The following THSD4 variants were observed in gnomAD, a reference collection of about 807,000 sequenced individuals.
THSD4 encodes the protein thrombospondin type-1 domain-containing protein 4.
A neutral mutation model predicts 119.0 loss-of-function variants in THSD4; 69 were observed. The observed-to-expected ratio is 0.58, with a 90% CI of 0.48 to 0.71. The LOEUF (loss-of-function observed/expected upper bound fraction) is 0.71. Among genes scored for constraint, THSD4 ranks in the 30% least tolerant of loss-of-function variants. The pLI is 0.00. For missense variants in THSD4, 1,393 were observed against 1,391.1 expected (o/e 1.00, Z -0.02); for synonymous variants, 524 against 540.4 (o/e 0.97, Z 0.42).
chr15:71,472,720 A>T (rs2047598670), intron 7 of THSD4, among the ~76,000 whole-genome samples: 1 of 152,166 alleles, frequency 6.6e-6, no homozygotes, highest in South Asian at 2.1e-4. Context: ...TGGAAATGGG[A>T]TCTTGATTTT....
At chr15:71,192,604 C>G (rs1171014184) in intron 3 of THSD4, among the ~76,000 whole-genome samples, 1 of 152,148 alleles carries the variant, frequency 6.6e-6, no homozygotes, top group African/African-American at 2.4e-5. Context: ...TGAAGTGAAC[C>G]TGTTCTCGAC....
Position 71,566,901 on chromosome 15 carries a change from A to AT in THSD4, c.1153-93618dup, listed in dbSNP as rs76547678. 8.3e-4 allele frequency among the ~76,000 whole-genome samples: 123 copies of AT among 148,718 alleles called. 1 individual carries two copies. Among genetic ancestry groups the AT allele is most frequent in the South Asian group, 7.1e-3 (33 of 4,678 alleles). Reference sequence around the variant, plus strand: ...AAACACATCAGCAGAGAGTACTGTCATTTTTTTTTTTCCCTAAACACTTAA... The same window carrying AT: ...AAACACATCAGCAGAGAGTACTGTCATTTTTTTTTTTTCCCTAAACACTTAA... On this transcript the variant is annotated intron_variant, in intron 7 of 17. Coordinates refer to ENST00000261862, the MANE Select transcript of THSD4 (RefSeq NM_024817.3).
At chr15:71,164,502 A>T in intron 3 of THSD4, among the ~76,000 whole-genome samples, 1 of 152,000 alleles carries the variant, frequency 6.6e-6, no homozygotes, top group Admixed American at 6.6e-5. Context: ...GCTGTGCACC[A>T]ACAAGAACCT....
intron 6 of THSD4, among the ~76,000 whole-genome samples, chr15:71,366,386 A>G (rs1007753666): frequency 6.6e-6 from 1 of 152,034 alleles, no homozygotes; most frequent in African/African-American, 2.4e-5. Flanking sequence ...TCTGCTGGGT[A>G]TAGGGAGGGA....
intron 6 of THSD4, among the ~76,000 whole-genome samples, chr15:71,367,675 G>C (rs566769597): frequency 6.6e-6 from 1 of 152,154 alleles, no homozygotes; most frequent in Non-Finnish European, 1.5e-5. Flanking sequence ...TCTTAATCCA[G>C]TCTATCATTG....
intron 6 of THSD4, among the ~76,000 whole-genome samples, chr15:71,364,406 G>A (rs1193997568): frequency 6.6e-6 from 1 of 152,234 alleles, no homozygotes; most frequent in East Asian, 1.9e-4. Flanking sequence ...TTCTAATACA[G>A]ATTAATTTCC....
intron 3 of THSD4, among the ~76,000 whole-genome samples, chr15:71,187,849 G>C (rs986805409): frequency 6.6e-6 from 1 of 152,180 alleles, no homozygotes; most frequent in African/African-American, 2.4e-5. Flanking sequence ...TCCATCAACA[G>C]CGAGTTTGGT....
chr15:71,295,218 C>A (rs925649013), intron 6 of THSD4, among the ~76,000 whole-genome samples: 1 of 152,110 alleles, frequency 6.6e-6, no homozygotes, highest in Non-Finnish European at 1.5e-5. Context: ...GTGATATGAT[C>A]GGCTTTGTTT....
chr15:71,316,304 C>T (rs920225610), intron 6 of THSD4, among the ~76,000 whole-genome samples: 3 of 152,140 alleles, frequency 2.0e-5, no homozygotes, highest in African/African-American at 7.2e-5. Context: ...TAAACCTAAA[C>T]CCATCTTTTC....
At chr15:71,749,756 A>G (rs191669715) in intron 14 of THSD4, among the ~76,000 whole-genome samples, 12 of 109,138 alleles carry the variant, frequency 1.1e-4, no homozygotes, top group South Asian at 3.2e-4. Flanking sequence ...GTCTCATTCT[A>G]TTGCCCGGGC....
chr15:71,293,451 C>T (rs1841191880), intron 6 of THSD4, among the ~76,000 whole-genome samples: 1 of 152,052 alleles, frequency 6.6e-6, no homozygotes, highest in South Asian at 2.1e-4. Flanking sequence ...GAAGAGTAAA[C>T]CTCTCCCCTG....
chr15:71,264,491 T>C lies in THSD4; in HGVS notation c.1015+7776T>C, dbSNP rs574190124. 6.6e-5 allele frequency among the ~76,000 whole-genome samples: 10 copies of C among 152,330 alleles called. No homozygotes were observed. The South Asian group carries it at 2.1e-3, about 32-fold the overall frequency. ...AGGACAAAGCCCAGAGGGCAACCTC[T>C]TTGTGAAAACAAAATGATGATTTTG... On this transcript the variant is annotated intron_variant, in intron 6 of 17. Coordinates refer to ENST00000261862, the MANE Select transcript of THSD4 (RefSeq NM_024817.3).
In THSD4 at chr15:71,777,265, A is replaced by T. The variant is rs1385374722; in HGVS notation, c.2948A>T (p.Asn983Ile). The T allele has an allele frequency of 6.2e-7, 1 of 1,614,224 alleles. No homozygotes were observed. The stretch of plus-strand genomic sequence containing the variant: ...TGCAAGGACAAGTACTACAACTGCA[A>T]CGTGGTGGTCCAGGCAAGACTCTGT... ...ENCKDKYYNC[N>I]VVVQARLCVY... is the part of the protein sequence containing the mutation. Residue 983 changes from asparagine (N) to isoleucine (I), a missense_variant, in exon 18 of 18, where the codon AAC (asparagine) becomes ATC (isoleucine). Asn to Ile is a moderately radical substitution (Grantham distance 149, BLOSUM62 -3). Transcript: ENST00000261862.
At chr15:71,107,606 A>G (rs1176461565) in intron 1 of THSD4, among the ~76,000 whole-genome samples, 4 of 152,266 alleles carry the variant, frequency 2.6e-5, no homozygotes, top group African/African-American at 7.2e-5. Context: ...AGAAGTTTGT[A>G]TCTTAATCTA....
intron 7 of THSD4, among the ~76,000 whole-genome samples, chr15:71,466,324 G>A (rs1397127188): frequency 6.7e-6 from 1 of 149,080 alleles, no homozygotes; most frequent in African/African-American, 2.5e-5. Context: ...CAGCCTGGGA[G>A]ACTGAACAAG....
At chr15:71,566,033 C>T (rs1229752851) in intron 7 of THSD4, among the ~76,000 whole-genome samples, 1 of 152,158 alleles carries the variant, frequency 6.6e-6, no homozygotes, top group Non-Finnish European at 1.5e-5. Context: ...CCAACGCTCC[C>T]TGATTTTAGT....
intron 3 of THSD4, among the ~76,000 whole-genome samples, chr15:71,157,486 A>G (rs372782063): frequency 9.9e-5 from 15 of 151,788 alleles, no homozygotes; most frequent in East Asian, 7.7e-4. Flanking sequence ...TCTTCTAGCT[A>G]TTTTGTCATA....
intron 6 of THSD4, among the ~76,000 whole-genome samples, chr15:71,395,965 T>C (rs1395145590): frequency 7.5e-6 from 1 of 133,242 alleles, no homozygotes. Context: ...ACACAGACTT[T>C]GTTGAGCACA....
At chr15:71,724,287 A>ATATATATATATACATATATATATATT in intron 8 of THSD4, among the ~76,000 whole-genome samples, 6 of 37,292 alleles carry the variant, frequency 1.6e-4, no homozygotes, top group Non-Finnish European at 2.4e-4. Flanking sequence ...ATATATATAT[A>ATATATATATATACATATATATATATT]TTTTTTTTTT....
Sources: gnomAD v4.1 joint callset for allele counts (sites outside exome capture counted in the v4.1 genomes callset) on GRCh38, gnomAD v4.1.1 for gene constraint, MANE v1.5 for transcripts, NCBI Gene and HGNC (gene_info 2026-07-23, HGNC 2026-07-21) for gene names.